Variants in CSF1R observed in about 807,000 individuals in gnomAD.
CSF1R encodes colony stimulating factor 1 receptor, also known as macrophage colony-stimulating factor 1 receptor.
In CSF1R, 40 loss-of-function variants were observed where a neutral mutation model predicts 110.0. The observed-to-expected ratio is 0.36, with a 90% CI of 0.28 to 0.47. The LOEUF is 0.47. Among genes scored for constraint, CSF1R ranks in the 20% least tolerant of loss-of-function variants. The probability of loss-of-function intolerance (pLI) is 0.99; values close to 1 mark genes in which losing one functional copy is unlikely to be tolerated. For synonymous variants in CSF1R, 523 were observed against 503.4 expected (o/e 1.04, Z -0.52); for missense variants, 1,052 against 1,253.0 (o/e 0.84, Z 2.42).
intron 10 of CSF1R, chr5:150,066,900 C>T (rs1253424006): frequency 6.5e-6 from 1 of 152,952 alleles, no homozygotes; most frequent in African/African-American, 2.4e-5. Flanking sequence ...TGCACCTCTG[C>T]ACACTCTGCC....
intron 5 of CSF1R, among the ~76,000 whole-genome samples, 154 bp from the exon 6 acceptor site, chr5:150,073,647 T>G (rs1398234088): frequency 6.6e-6 from 1 of 152,154 alleles, no homozygotes; most frequent in Non-Finnish European, 1.5e-5. Flanking sequence ...GACACCCCTC[T>G]TCTCACCACC....
intron 10 of CSF1R, among the ~76,000 whole-genome samples, chr5:150,065,213 G>A (rs564180900): frequency 7.2e-5 from 11 of 151,996 alleles, no homozygotes; most frequent in Admixed American, 2.6e-4. Flanking sequence ...ATCTAGGCCT[G>A]CTGGTTCTGG....
chr5:150,095,056 A>G lies in CSF1R; in HGVS notation c.-180-8449T>C, dbSNP rs2113856777. The G allele has an allele frequency of 4.7e-6, 3 of 634,078 alleles. No homozygotes were observed. The South Asian group carries it at 5.6e-5, about 12-fold the overall frequency. The allele number at this position is 634,078 out of a possible 1,614,324, so 39.3% of individuals were successfully genotyped here. A position where few individuals can be genotyped will look rare whatever the true frequency, so the allele number is the denominator to read the frequency against. ...ATTAGAAGAATGAACTAAGGTGTCT[A>G]CCATGATTATTTTTCTAAGCTGGTT... On this transcript the variant is annotated intron_variant, in intron 1 of 21. Coordinates refer to the CSF1R transcript ENST00000286301.
At chr5:150,101,619 C>G (rs1285288653) in intron 1 of CSF1R, among the ~76,000 whole-genome samples, 1 of 151,516 alleles carries the variant, frequency 6.6e-6, no homozygotes, top group East Asian at 1.9e-4. Flanking sequence ...AGTGGCGGTG[C>G]TGGCAATCCC....
intron 10 of CSF1R, among the ~76,000 whole-genome samples, chr5:150,067,494 T>C (rs755012735): frequency 3.5e-4 from 54 of 152,354 alleles, no homozygotes; most frequent in Middle Eastern, 6.8e-3. Context: ...AATGAGATGA[T>C]GTAGGTAACA....
At chr5:150,054,812 T>G (rs1375884018) in intron 19 of CSF1R, 5 of 247,038 alleles carry the variant, frequency 2.0e-5, no homozygotes. Context: ...CATAGTGAGA[T>G]CCCATCTCTA....
intron 19 of CSF1R, 94 bp downstream of exon 19, chr5:150,055,143 T>C: frequency 8.8e-7 from 1 of 1,135,926 alleles, no homozygotes; most frequent in Non-Finnish European, 1.3e-6. Context: ...CTGGAACATT[T>C]TGGACAGGGA....
intron 1 of CSF1R, among the ~76,000 whole-genome samples, chr5:150,102,822 T>A (rs545539688): frequency 6.6e-6 from 1 of 152,348 alleles, no homozygotes; most frequent in South Asian, 2.1e-4. Context: ...CTAACCCAAT[T>A]ATCAGAAATG....
upstream of CSF1R, among the ~76,000 whole-genome samples, chr5:150,087,853 C>T (rs1758906560): frequency 1.3e-5 from 2 of 152,064 alleles, no homozygotes; most frequent in African/African-American, 4.8e-5. Flanking sequence ...CCTACCTCAT[C>T]CTCCTGAGTA....
At chr5:150,060,607 G>A (rs958874998) in intron 13 of CSF1R, among the ~76,000 whole-genome samples, 5 of 152,256 alleles carry the variant, frequency 3.3e-5, no homozygotes, top group South Asian at 4.1e-4. Context: ...GGGCCTAGGA[G>A]CTTGCACATT....
intron 1 of CSF1R, among the ~76,000 whole-genome samples, chr5:150,099,542 C>G (rs746337911): frequency 1.3e-5 from 2 of 152,170 alleles, no homozygotes; most frequent in Non-Finnish European, 2.9e-5. Flanking sequence ...GAACGCTACT[C>G]AGCAATTAAG....
chr5:150,094,193 G>A, intron 1 of CSF1R: 1 of 636,136 alleles, frequency 1.6e-6, no homozygotes, highest in South Asian at 2.2e-5. Flanking sequence ...CAGGCATAAT[G>A]AGGGACATTA....
At chr5:150,109,364 G>A (rs1581356578) in intron 1 of CSF1R, among the ~76,000 whole-genome samples, 1 of 152,176 alleles carries the variant, frequency 6.6e-6, no homozygotes, top group East Asian at 1.9e-4. Flanking sequence ...GCAGAGCAGG[G>A]CGGTGAGGGA....
intron 1 of CSF1R, among the ~76,000 whole-genome samples, chr5:150,081,914 T>C (rs1004758919): frequency 6.6e-6 from 1 of 152,150 alleles, no homozygotes; most frequent in Non-Finnish European, 1.5e-5. Context: ...GGGCCTAAAA[T>C]AGGGGCAAAG....
At chr5:150,092,583 G>A (rs1759080166) in intron 1 of CSF1R, among the ~76,000 whole-genome samples, 1 of 152,342 alleles carries the variant, frequency 6.6e-6, no homozygotes, top group East Asian at 1.9e-4. Context: ...GGAAGGCAAA[G>A]GAGGAGCAGA....
rs1758309770 is a variant in CSF1R, at chr5:150,077,328, C to A, written c.837G>T (p.Val279=). The A allele has an allele frequency of 6.2e-7, 1 of 1,614,112 alleles. No homozygotes were observed. Among genetic ancestry groups the A allele is most frequent in the Non-Finnish European group, 8.5e-7 (1 of 1,180,052 alleles). Residue 279 remains valine (V), a synonymous_variant, in exon 5 of 21, where the codon GTG becomes GTT. Transcript: ENST00000675795. ...DFQHAGNYSC[V]ASNVQGKHST... is the part of the protein sequence containing the mutation. ...AGTGCTTGCCCTGCACGTTGCTGGC[C>A]ACGCAGGAGTAGTTGCCGGCATGTT...
intron 10 of CSF1R, among the ~76,000 whole-genome samples, chr5:150,062,114 C>T (rs1234682096): frequency 2.0e-5 from 3 of 152,118 alleles, no homozygotes; most frequent in Non-Finnish European, 4.4e-5. Flanking sequence ...GACAAGACAA[C>T]CTCTGAGGGC....
intron 1 of CSF1R, among the ~76,000 whole-genome samples, chr5:150,085,573 C>T (rs1258225100): frequency 3.3e-5 from 5 of 152,240 alleles, no homozygotes; most frequent in Non-Finnish European, 5.9e-5. Context: ...AGAACTGCTA[C>T]AGCCTGGGGA....
chr5:150,093,238 C>T (rs532461192), intron 1 of CSF1R, among the ~76,000 whole-genome samples: 14 of 152,258 alleles, frequency 9.2e-5, no homozygotes, highest in Admixed American at 4.6e-4. Flanking sequence ...GCCACCGTGT[C>T]TGGCTAATTT....
Sources: allele counts gnomAD v4.1 joint callset (sites outside exome capture counted in the v4.1 genomes callset), GRCh38; gene constraint gnomAD v4.1.1; transcripts MANE v1.5; gene names NCBI Gene and HGNC (gene_info 2026-07-23, HGNC 2026-07-21).